The following SRPK2 variants were observed in gnomAD, a reference collection of about 807,000 sequenced individuals.
The protein encoded by SRPK2 is SRSF protein kinase 2, also known as SFRS protein kinase 2.
Under a neutral mutation model 90.8 loss-of-function variants are expected in SRPK2, and 21 were observed. The observed-to-expected ratio is 0.23, with a 90% confidence interval of 0.16 to 0.33. SRPK2 has a LOEUF of 0.33. SRPK2 is among the 10% of genes least tolerant of loss of function. The pLI is 1.00. For missense variants in SRPK2, 620 were observed against 869.0 expected (o/e 0.71, Z 3.60); for synonymous variants, 288 against 311.1 (o/e 0.93, Z 0.78).
chr7:105,265,273 A>G (rs1804888225), intron 2 of SRPK2, among the ~76,000 whole-genome samples: 1 of 152,234 alleles, frequency 6.6e-6, no homozygotes, highest in Admixed American at 6.5e-5. Context: ...TACAACAATA[A>G]TACAAATTTT....
intron 3 of SRPK2, among the ~76,000 whole-genome samples, chr7:105,184,099 C>T (rs1377383943): frequency 6.6e-6 from 1 of 151,298 alleles, no homozygotes. Flanking sequence ...CCTCAGCCTC[C>T]GGAGTAGCTG....
intron 11 of SRPK2, among the ~76,000 whole-genome samples, chr7:105,138,942 G>T (rs1803286053): frequency 6.6e-6 from 1 of 152,236 alleles, no homozygotes; most frequent in Admixed American, 6.5e-5. Flanking sequence ...GTAGCATGCA[G>T]TGTCTGTGTA....
chr7:105,165,021 T>C (rs1040103516), intron 6 of SRPK2, among the ~76,000 whole-genome samples: 1 of 152,142 alleles, frequency 6.6e-6, no homozygotes, highest in Non-Finnish European at 1.5e-5. Context: ...CAAAGGGCTA[T>C]CTCAGAGGAT....
chr7:105,149,927 G>A lies in SRPK2; in HGVS notation c.622-3269C>T, dbSNP rs1805372500. On this transcript the variant is annotated intron_variant, in intron 7 of 15. Coordinates refer to ENST00000393651, the MANE Select transcript of SRPK2 (RefSeq NM_182692.3). ...TGCATCGCCTGAGCTCCTATCACATGCCATTATTCCAGGTGTTTGATATAT... is the reference window on the plus strand; with the variant it reads ...TGCATCGCCTGAGCTCCTATCACATACCATTATTCCAGGTGTTTGATATAT... Among the ~76,000 whole-genome samples the A allele has an allele frequency of 2.0e-5, 3 of 152,076 alleles. No homozygotes were observed. In the South Asian group the frequency reaches 6.2e-4, roughly 32 times the overall value.
At chr7:105,237,130 G>C (rs1476328173) in intron 2 of SRPK2, among the ~76,000 whole-genome samples, 1 of 152,186 alleles carries the variant, frequency 6.6e-6, no homozygotes, top group African/African-American at 2.4e-5. Context: ...AGCATCAAAT[G>C]CAACACCTCT....
chr7:105,231,441 T>C (rs545542645), intron 2 of SRPK2, among the ~76,000 whole-genome samples: 34 of 152,318 alleles, frequency 2.2e-4, no homozygotes, highest in African/African-American at 5.5e-4. Flanking sequence ...AGTAATAAGA[T>C]TGCGGAGTCG....
rs571217694 is a variant in SRPK2, at chr7:105,334,909, C to G, written c.71+53739G>C. ...TATTGGCTGGGCGCAGTAGCTTATG[C>G]CTGTAATCCCAGACTTTGGGAGGCC... On this transcript the variant is annotated intron_variant, in intron 2 of 15. Coordinates refer to ENST00000393651, the MANE Select transcript of SRPK2 (RefSeq NM_182692.3). Among the ~76,000 whole-genome samples the G allele has an allele frequency of 4.6e-5, 7 of 150,752 alleles. 1 individual carries two copies. The highest frequency in any genetic ancestry group is 1.7e-4 in the African/African-American group (7 of 40,416).
intron 2 of SRPK2, among the ~76,000 whole-genome samples, chr7:105,285,464 A>AT (rs1807967540): frequency 6.6e-6 from 1 of 152,112 alleles, no homozygotes; most frequent in South Asian, 2.1e-4. Flanking sequence ...GCTTGACATT[A>AT]AAATATCAGG....
chr7:105,195,865 A>G (rs1405350028), intron 3 of SRPK2, among the ~76,000 whole-genome samples: 1 of 152,206 alleles, frequency 6.6e-6, no homozygotes, highest in Non-Finnish European at 1.5e-5. Context: ...AGATTGTTCT[A>G]CTGGGGTGCC....
intron 2 of SRPK2, among the ~76,000 whole-genome samples, chr7:105,360,472 G>A (rs1239449803): frequency 1.3e-5 from 2 of 152,128 alleles, no homozygotes; most frequent in African/African-American, 2.4e-5. Flanking sequence ...TCATAGCATC[G>A]ATGGTCTTTA....
At chr7:105,348,816 C>T (rs1310183206) in intron 2 of SRPK2, among the ~76,000 whole-genome samples, 1 of 152,014 alleles carries the variant, frequency 6.6e-6, no homozygotes, top group Admixed American at 6.6e-5. Flanking sequence ...ATCATTCATG[C>T]CAGCACTGAA....
chr7:105,158,672 A>G (rs994975698), intron 7 of SRPK2, among the ~76,000 whole-genome samples: 1 of 152,170 alleles, frequency 6.6e-6, no homozygotes, highest in Non-Finnish European at 1.5e-5. Context: ...CGGGAAATAC[A>G]TGCAGGCAGC....
upstream of SRPK2, chr7:105,389,298 C>A: frequency 7.8e-7 from 1 of 1,278,660 alleles, no homozygotes; most frequent in Non-Finnish European, 1.0e-6. Context: ...CCGGCGCCTC[C>A]GCGGGTCTCG....
At chr7:105,202,648 C>A (rs557791494) in intron 3 of SRPK2, among the ~76,000 whole-genome samples, 1 of 152,202 alleles carries the variant, frequency 6.6e-6, no homozygotes, top group African/African-American at 2.4e-5. Flanking sequence ...AGCATCAATA[C>A]AAGAACACTC....
intron 2 of SRPK2, among the ~76,000 whole-genome samples, chr7:105,214,586 A>G (rs1797227360): frequency 2.0e-5 from 3 of 152,238 alleles, no homozygotes; most frequent in Non-Finnish European, 2.9e-5. Context: ...AAAACTCTCA[A>G]AAAGGATGAG....
chr7:105,298,848 T>C (rs1049348354), intron 2 of SRPK2: 3 of 956,210 alleles, frequency 3.1e-6, no homozygotes, highest in African/African-American at 3.5e-5. Flanking sequence ...AGAGAACCTG[T>C]GACAGCAGTC....
At chr7:105,262,647 T>G (rs1009715778) in intron 2 of SRPK2, among the ~76,000 whole-genome samples, 25 of 152,170 alleles carry the variant, frequency 1.6e-4, no homozygotes, top group Admixed American at 1.3e-3. Flanking sequence ...GGGAAAGCAG[T>G]GCCTCCAACA....
At chr7:105,159,467 A>AAAAAAAC (rs1807198174) in intron 7 of SRPK2, among the ~76,000 whole-genome samples, 1 of 102,070 alleles carries the variant, frequency 9.8e-6, no homozygotes, top group Non-Finnish European at 2.3e-5. Context: ...AAAAAAAAAA[A>AAAAAAAC]AAAAAACCGT....
chr7:105,204,354 A>AAG (rs1795936258), intron 2 of SRPK2, among the ~76,000 whole-genome samples: 2 of 152,192 alleles, frequency 1.3e-5, no homozygotes, highest in Admixed American at 1.3e-4. Flanking sequence ...TTGTACTTCT[A>AAG]TAAGGCCTGT....
Sources: gnomAD v4.1 joint callset for allele counts (sites outside exome capture counted in the v4.1 genomes callset) on GRCh38, gnomAD v4.1.1 for gene constraint, MANE v1.5 for transcripts, NCBI Gene and HGNC (gene_info 2026-07-23, HGNC 2026-07-21) for gene names.